RNGTT: variants seen among roughly 807,000 people sequenced by gnomAD.
RNGTT encodes the protein mRNA-capping enzyme.
A neutral mutation model predicts 79.3 loss-of-function variants in RNGTT; 33 were observed. The ratio of observed to expected loss-of-function variants is 0.42; its 90% CI spans 0.32 to 0.56. RNGTT has a LOEUF of 0.56. Among genes scored for constraint, RNGTT ranks in the 20% least tolerant of loss-of-function variants. RNGTT has a pLI of 0.17. For missense variants in RNGTT, 497 were observed against 739.1 expected, an observed-to-expected ratio of 0.67 and a Z score of 3.80; for synonymous variants, 222 against 235.9, an observed-to-expected ratio of 0.94 and a Z score of 0.54.
intron 10 of RNGTT, among the ~76,000 whole-genome samples, chr6:88,846,507 G>A (rs1174383788): frequency 1.3e-5 from 2 of 152,150 alleles, no homozygotes; most frequent in Non-Finnish European, 2.9e-5. Context: ...CAGCACTTTG[G>A]AAGGCTAAAG....
intron 13 of RNGTT, among the ~76,000 whole-genome samples, chr6:88,728,077 C>A (rs547861700): frequency 8.9e-4 from 136 of 152,314 alleles, no homozygotes; most frequent in African/African-American, 3.2e-3. Context: ...CCGTCCCCTC[C>A]AGGGTCATGG....
Position 88,853,716 on chromosome 6 carries a change from T to G in RNGTT, c.945A>C (p.Arg315Ser), listed in dbSNP as rs1347758972. The G allele has an allele frequency of 6.3e-7, 1 of 1,578,990 alleles. No individual in the cohort carries two copies. The highest frequency in any genetic ancestry group is 8.6e-7 in the Non-Finnish European group (1 of 1,156,522). Residue 315 changes from arginine to serine, a missense_variant, in exon 9 of 16, where the codon AGA becomes AGC. Physicochemically the swap from Arg to Ser is moderately radical, Grantham distance 110. This residue lies in a region of RNGTT where 440 missense variants were observed against 671.5 expected (regional missense o/e 0.66). Coordinates refer to ENST00000369485, the MANE Select transcript of RNGTT (RefSeq NM_003800.5). ...DGTNEVFMIDRDNSVFHVSNL... is the reference protein window; with the variant it reads ...DGTNEVFMIDSDNSVFHVSNL... ...TTGAAACATGAAATACTGAATTGTC[T>G]CTATCAATCATAAAAACTTCATTTG...
chr6:88,911,298 T>A (rs567787912), intron 4 of RNGTT, among the ~76,000 whole-genome samples: 5 of 152,144 alleles, frequency 3.3e-5, no homozygotes, highest in African/African-American at 4.8e-5. Flanking sequence ...AGATCTATCA[T>A]GCAAATGAAA....
intron 14 of RNGTT, among the ~76,000 whole-genome samples, chr6:88,651,214 A>C (rs1411615472): frequency 6.6e-6 from 1 of 152,158 alleles, no homozygotes; most frequent in East Asian, 1.9e-4. Context: ...GTGGACTAGG[A>C]TAATTTTGGC....
intron 13 of RNGTT, among the ~76,000 whole-genome samples, chr6:88,768,159 T>C (rs1305439464): frequency 6.6e-6 from 1 of 151,904 alleles, no homozygotes; most frequent in Non-Finnish European, 1.5e-5. Flanking sequence ...TGTGTGTGTG[T>C]GTTTCTTTTT....
intron 13 of RNGTT, among the ~76,000 whole-genome samples, chr6:88,730,675 G>A (rs1777080687): frequency 6.6e-6 from 1 of 152,222 alleles, no homozygotes; most frequent in African/African-American, 2.4e-5. Flanking sequence ...ACAGGCCATG[G>A]ACTGGTACGG....
At chr6:88,941,863 T>A (rs1784859227) in intron 1 of RNGTT, among the ~76,000 whole-genome samples, 1 of 151,838 alleles carries the variant, frequency 6.6e-6, no homozygotes, top group African/African-American at 2.4e-5. Flanking sequence ...ACTTCCATTA[T>A]CTAAGTTCTA....
chr6:88,685,573 G>GAAGGGAAGGGGA, intron 13 of RNGTT, among the ~76,000 whole-genome samples: 1 of 151,574 alleles, frequency 6.6e-6, no homozygotes, highest in South Asian at 2.1e-4. Flanking sequence ...AGGAAAGAGG[G>GAAGGGAAGGGGA]AAGGGAAGGG....
intron 4 of RNGTT, among the ~76,000 whole-genome samples, chr6:88,925,852 C>T (rs1210063485): frequency 2.6e-5 from 4 of 152,040 alleles, no homozygotes; most frequent in African/African-American, 9.7e-5. Flanking sequence ...ACACTGCACT[C>T]CAAGTGGGCA....
Position 88,614,378 on chromosome 6 carries a change from T to C in RNGTT, c.1524A>G (p.Lys508=). The change falls in exon 15 of 16, where the codon AAA becomes AAG. Residue 508 remains lysine, a synonymous_variant. Coordinates refer to ENST00000369485, the MANE Select transcript of RNGTT (RefSeq NM_003800.5). ...FAQIKVTKEL[K]QYDNKIIECK... ...ATTCTATAATTTTGTTGTCATACTG[T>C]TTCAGCTCTTTTGTCACCTGTTTTG... The C allele has an allele frequency of 6.2e-7, 1 of 1,613,634 alleles. No homozygotes were observed. The highest frequency in any genetic ancestry group is 1.1e-5 in the South Asian group (1 of 91,026).
intron 12 of RNGTT, among the ~76,000 whole-genome samples, chr6:88,779,862 G>A (rs894816417): frequency 5.3e-5 from 8 of 152,096 alleles, no homozygotes; most frequent in African/African-American, 1.4e-4. Flanking sequence ...GCATGGTGGT[G>A]CATGTTTGTA....
At chr6:88,741,787 G>A (rs939479071) in intron 13 of RNGTT, among the ~76,000 whole-genome samples, 2 of 152,056 alleles carry the variant, frequency 1.3e-5, no homozygotes, top group Non-Finnish European at 2.9e-5. Flanking sequence ...TAATGGGTAG[G>A]GGGCAGACTT....
At chr6:88,711,813 T>C (rs755449694) in intron 13 of RNGTT, among the ~76,000 whole-genome samples, 8 of 152,348 alleles carry the variant, frequency 5.3e-5, no homozygotes, top group African/African-American at 9.6e-5. Flanking sequence ...TACTCATTTT[T>C]TGAGCACCTA....
chr6:88,702,975 G>A (rs1470390360), intron 13 of RNGTT, among the ~76,000 whole-genome samples: 1 of 152,012 alleles, frequency 6.6e-6, no homozygotes, highest in East Asian at 1.9e-4. Flanking sequence ...ACTCATCAGG[G>A]AAATGCAAAT....
At chr6:88,680,226 G>T (rs1775040612) in intron 13 of RNGTT, among the ~76,000 whole-genome samples, 1 of 152,010 alleles carries the variant, frequency 6.6e-6, no homozygotes, top group African/African-American at 2.4e-5. Flanking sequence ...ACAATTCCAG[G>T]ATATACATTT....
intron 8 of RNGTT, among the ~76,000 whole-genome samples, chr6:88,865,141 A>AAT (rs1013581010): frequency 6.6e-6 from 1 of 152,140 alleles, no homozygotes; most frequent in Non-Finnish European, 1.5e-5. Context: ...TAAATGAGTT[A>AAT]ATATATAAAA....
intron 14 of RNGTT, among the ~76,000 whole-genome samples, chr6:88,673,531 C>A (rs1774735526): frequency 6.6e-6 from 1 of 152,090 alleles, no homozygotes; most frequent in Non-Finnish European, 1.5e-5. Flanking sequence ...GAAAGAACTT[C>A]AACAATTAAT....
chr6:88,679,106 A>C (rs571467845), intron 13 of RNGTT, among the ~76,000 whole-genome samples: 1 of 152,238 alleles, frequency 6.6e-6, no homozygotes, highest in South Asian at 2.1e-4. Flanking sequence ...ATGATGCACC[A>C]CCACTATGCA....
chr6:88,812,245 A>G (rs1780162482), intron 11 of RNGTT, among the ~76,000 whole-genome samples: 1 of 152,208 alleles, frequency 6.6e-6, no homozygotes, highest in Non-Finnish European at 1.5e-5. Flanking sequence ...TATTATTGCA[A>G]TTAAAAAGAG....
Sources: gnomAD v4.1 joint callset for allele counts (sites outside exome capture counted in the v4.1 genomes callset) on GRCh38, gnomAD v4.1.1 for gene constraint, gnomAD v4.1.1 regional missense constraint, MANE v1.5 for transcripts, NCBI Gene and HGNC (gene_info 2026-07-23, HGNC 2026-07-21) for gene names.